Variants in SCEL observed in about 807,000 individuals in gnomAD.
SCEL encodes the protein sciellin.
SCEL carries 113 observed loss-of-function variants against 117.6 expected under a neutral mutation model. The observed-to-expected ratio is 0.96, with a 90% CI of 0.83 to 1.12. The LOEUF is 1.12. SCEL is among the 50% of genes most tolerant of loss of function. The pLI is 0.00. For missense variants in SCEL, 785 were observed against 810.8 expected (o/e 0.97, Z 0.39); for synonymous variants, 270 against 256.2 (o/e 1.05, Z -0.51).
intron 9 of SCEL, among the ~76,000 whole-genome samples, chr13:77,580,526 T>G (rs77389253): frequency 0.025 from 3,775 of 152,328 alleles, 159 homozygotes; most frequent in East Asian, 0.13. Context: ...CCATTAAATT[T>G]TTGTATTCTG....
intron 30 of SCEL, 85 bp from the exon 31 acceptor site, chr13:77,640,591 A>C (rs934412451): frequency 1.3e-5 from 7 of 519,982 alleles, no homozygotes; most frequent in African/African-American, 4.0e-5. Flanking sequence ...CAAAATTAAT[A>C]TACCGTTGCC....
At chr13:77,580,982 T>G (rs2086232838) in intron 9 of SCEL, among the ~76,000 whole-genome samples, 1 of 152,148 alleles carries the variant, frequency 6.6e-6, no homozygotes, top group Non-Finnish European at 1.5e-5. Flanking sequence ...TGCACTACAG[T>G]TATATTTTTC....
chr13:77,552,947 AC>A (rs1163080269), intron 1 of SCEL, among the ~76,000 whole-genome samples: 1 of 152,140 alleles, frequency 6.6e-6, no homozygotes, highest in East Asian at 1.9e-4. Context: ...TTTTCCCAGC[AC>A]CATTTATTAA....
intron 28 of SCEL, among the ~76,000 whole-genome samples, chr13:77,632,213 C>G (rs2090055975): frequency 6.6e-6 from 1 of 152,234 alleles, no homozygotes; most frequent in Non-Finnish European, 1.5e-5. Context: ...CATAACAGTA[C>G]TGTTGGCAAA....
intron 31 of SCEL, among the ~76,000 whole-genome samples, chr13:77,642,323 G>A (rs111331921): frequency 6.6e-6 from 1 of 152,110 alleles, no homozygotes; most frequent in African/African-American, 2.4e-5. Flanking sequence ...GCAGTGGACA[G>A]GTCTGAAGCA....
At chr13:77,545,499 A>G (rs1341004027) in intron 1 of SCEL, among the ~76,000 whole-genome samples, 4 of 152,216 alleles carry the variant, frequency 2.6e-5, no homozygotes, top group South Asian at 2.1e-4. Context: ...AGAAACATAT[A>G]TTGTTGAACT....
intron 9 of SCEL, among the ~76,000 whole-genome samples, chr13:77,574,193 G>A (rs2085805794): frequency 6.6e-6 from 1 of 152,316 alleles, no homozygotes; most frequent in Non-Finnish European, 1.5e-5. Flanking sequence ...GATTATTCAT[G>A]AATTAACATC....
rs182237916 is a variant in SCEL, at chr13:77,582,039, G to A, written c.546-7105G>A. Among the ~76,000 whole-genome samples the A allele has an allele frequency of 9.9e-5, 15 of 152,126 alleles. 1 individual carries two copies. Among genetic ancestry groups the A allele is most frequent in the African/African-American group, 3.6e-4 (15 of 41,498 alleles). ...GAGGACAATGGGAGTGGGGGATGGG[G>A]GTGAAAGGACCAACATTTTGCTTGG... On this transcript the variant is annotated intron_variant, in intron 9 of 32. Transcript: ENST00000349847.
At position 77,604,393 on chromosome 13, in the gene SCEL, G is replaced by A; in HGVS notation, c.1135G>A (p.Glu379Lys). 1.3e-6 allele frequency: 2 copies of A among 1,576,128 alleles called. No individual in the cohort carries two copies. The highest frequency in any genetic ancestry group is 2.1e-5 in the Admixed American group (1 of 47,076). ...DLDGLIKVDP[E>K]TNKNITRGQS... is the part of the protein sequence containing the mutation. ...TGATGGGCTTATTAAAGTGGATCCT[G>A]AAACAAATAAAAATATTACGAGGTA... The change falls in exon 19 of 33, where the codon GAA becomes AAA. Residue 379 changes from glutamate to lysine, a missense_variant. Transcript: ENST00000349847.
intron 11 of SCEL, among the ~76,000 whole-genome samples, chr13:77,592,728 T>TAATA (rs762820270): frequency 1.3e-5 from 2 of 151,904 alleles, no homozygotes; most frequent in Non-Finnish European, 2.9e-5. Context: ...CCAGCTAATT[T>TAATA]AAAAAGAAAT....
chr13:77,637,251 C>CATATAT (rs755741313), intron 30 of SCEL, 57 bp downstream of exon 30: 2 of 405,900 alleles, frequency 4.9e-6, no homozygotes, highest in African/African-American at 4.5e-5. Flanking sequence ...CACACACACA[C>CATATAT]ATATATATAT....
At chr13:77,643,166 A>G (rs1165966359) in intron 32 of SCEL, among the ~76,000 whole-genome samples, 1 of 152,114 alleles carries the variant, frequency 6.6e-6, no homozygotes, top group East Asian at 1.9e-4. Context: ...ATATTGTATA[A>G]TTTTTAACTA....
At chr13:77,553,716 C>T (rs2084486544) in intron 1 of SCEL, among the ~76,000 whole-genome samples, 1 of 151,900 alleles carries the variant, frequency 6.6e-6, no homozygotes. Context: ...TTGCTCTCTG[C>T]TTGTCAAGGT....
intron 23 of SCEL, 99 bp downstream of exon 23, chr13:77,613,040 ATG>A: frequency 3.0e-6 from 2 of 675,430 alleles, no homozygotes; most frequent in Admixed American, 6.7e-5. Context: ...GAAAGGGGAC[ATG>A]AAAAAAAATG....
chr13:77,608,001 C>A, intron 19 of SCEL, 55 bp from the exon 20 acceptor site: 1 of 1,328,334 alleles, frequency 7.5e-7, no homozygotes, highest in South Asian at 1.3e-5. Context: ...TTCTTGTTGT[C>A]AGTCTACCAT....
intron 2 of SCEL, 117 bp from the exon 3 acceptor site, chr13:77,556,479 T>G: frequency 1.2e-6 from 1 of 800,032 alleles, no homozygotes; most frequent in East Asian, 2.5e-5. Flanking sequence ...GTACTGGACT[T>G]GCCAGCCCAG....
intron 24 of SCEL, among the ~76,000 whole-genome samples, chr13:77,617,000 C>G (rs533808502): frequency 1.1e-4 from 17 of 152,122 alleles, no homozygotes; most frequent in African/African-American, 3.1e-4. Context: ...TGAATTATAG[C>G]AAACTATATA....
intron 25 of SCEL, 47 bp downstream of exon 25, chr13:77,617,705 T>C: frequency 6.8e-7 from 1 of 1,479,270 alleles, no homozygotes; most frequent in Non-Finnish European, 9.3e-7. Flanking sequence ...GAAAGAATAT[T>C]AAGTTTTATT....
At chr13:77,581,547 AG>A (rs1211539879) in intron 9 of SCEL, among the ~76,000 whole-genome samples, 1 of 152,102 alleles carries the variant, frequency 6.6e-6, no homozygotes, top group African/African-American at 2.4e-5. Flanking sequence ...CGCCCCTGCC[AG>A]GGGGGCTCCT....
Sources: gnomAD v4.1 joint callset for allele counts (sites outside exome capture counted in the v4.1 genomes callset) on GRCh38, gnomAD v4.1.1 for gene constraint, MANE v1.5 for transcripts, NCBI Gene and HGNC (gene_info 2026-07-23, HGNC 2026-07-21) for gene names.